The following FAM13C variants were observed in gnomAD, a reference collection of about 807,000 sequenced individuals.
FAM13C encodes family with sequence similarity 13 member C, also known as protein FAM13C.
Under a neutral mutation model 73.2 loss-of-function variants are expected in FAM13C, and 37 were observed. That is an observed-to-expected ratio of 0.51 (90% confidence interval 0.39 to 0.67). FAM13C has a LOEUF of 0.67. Ranked by LOEUF, FAM13C falls within the 30% of genes least tolerant of loss-of-function variation. FAM13C has a pLI of 0.00. For synonymous variants in FAM13C, 246 were observed against 260.9 expected (o/e 0.94, Z 0.55); for missense variants, 589 against 715.6 (o/e 0.82, Z 2.02).
chr10:59,349,097 T>A (rs1012845013), intron 3 of FAM13C, among the ~76,000 whole-genome samples: 3 of 152,260 alleles, frequency 2.0e-5, no homozygotes, highest in African/African-American at 4.8e-5. Context: ...TTACTGTCTT[T>A]TTTTGCATGT....
At chr10:59,269,619 A>G (rs544249923) in intron 7 of FAM13C, among the ~76,000 whole-genome samples, 2 of 152,334 alleles carry the variant, frequency 1.3e-5, no homozygotes, top group African/African-American at 4.8e-5. Context: ...GTGCATGTAC[A>G]TATACTTACT....
chr10:59,257,736 T>C (rs1434143259), intron 10 of FAM13C, among the ~76,000 whole-genome samples: 1 of 152,184 alleles, frequency 6.6e-6, no homozygotes, highest in African/African-American at 2.4e-5. Context: ...TAGAAAGCAA[T>C]TGCTAAAGAG....
chr10:59,277,769 A>G (rs769819658), intron 6 of FAM13C, among the ~76,000 whole-genome samples: 1 of 152,210 alleles, frequency 6.6e-6, no homozygotes, highest in Non-Finnish European at 1.5e-5. Flanking sequence ...AAATTCTAGA[A>G]TATTAGAACT....
At chr10:59,265,690 G>A (rs745565360) in intron 8 of FAM13C, among the ~76,000 whole-genome samples, 2 of 152,052 alleles carry the variant, frequency 1.3e-5, no homozygotes, top group Non-Finnish European at 2.9e-5. Context: ...TTTTTACTAC[G>A]GTGCATAGAA....
chr10:59,268,933 T>G (rs1412570692), intron 7 of FAM13C, among the ~76,000 whole-genome samples: 2 of 152,184 alleles, frequency 1.3e-5, no homozygotes, highest in Non-Finnish European at 2.9e-5. Context: ...CCAGGAAATG[T>G]GTTTTGTAAA....
Position 59,344,340 on chromosome 10 carries a change from G to A in FAM13C, c.324+7930C>T, listed in dbSNP as rs180705194. Among the ~76,000 whole-genome samples, 28 of 147,196 alleles carry A rather than the reference G, an allele frequency of 1.9e-4. No individual in the cohort carries two copies. In the East Asian group the frequency reaches 5.0e-3, roughly 26 times the overall value. ...GTCGCCCAGGCTGGAGTGCAGCAGC[G>A]CGATCTCGGCTCACTGCAAGTTCCG... On this transcript the variant is annotated intron_variant, in intron 3 of 13. Transcript: ENST00000618804.
intron 3 of FAM13C, among the ~76,000 whole-genome samples, chr10:59,333,120 C>T (rs994695855): frequency 1.3e-5 from 2 of 152,104 alleles, no homozygotes; most frequent in Admixed American, 6.6e-5. Flanking sequence ...GGACTACAGG[C>T]ATACGTTACC....
intron 3 of FAM13C, among the ~76,000 whole-genome samples, chr10:59,348,158 G>A (rs942489548): frequency 6.6e-6 from 1 of 152,138 alleles, no homozygotes; most frequent in Non-Finnish European, 1.5e-5. Context: ...TTCAAAGAGG[G>A]TTGTCTTTAA....
At chr10:59,262,955 A>G (rs1009306146) in intron 9 of FAM13C, among the ~76,000 whole-genome samples, 2 of 152,120 alleles carry the variant, frequency 1.3e-5, no homozygotes, top group African/African-American at 4.8e-5. Flanking sequence ...CCCACCTGCC[A>G]TGTACTGTAG....
intron 3 of FAM13C, among the ~76,000 whole-genome samples, chr10:59,340,406 G>A (rs1853340012): frequency 6.6e-6 from 1 of 152,058 alleles, no homozygotes; most frequent in Non-Finnish European, 1.5e-5. Context: ...TTGGTGGACT[G>A]TTTGCCTGGG....
chr10:59,352,528 T>C lies in FAM13C; in HGVS notation c.120-54A>G, dbSNP rs575042273. ...GTACCTTAAAAAAAGATGAATAAAC[T>C]GCTGCAGGAAAGAGGGCTGGAGATA... On this transcript the variant is annotated intron_variant, in intron 2 of 13. Transcript: ENST00000618804. 4.0e-6 allele frequency: 6 copies of C among 1,492,792 alleles called. No homozygotes were observed. The African/African-American group carries it at 7.0e-5, about 17-fold the overall frequency. 92.5% of individuals were successfully genotyped at this position (1,492,792 alleles called of 1,614,324 possible).
intron 3 of FAM13C, among the ~76,000 whole-genome samples, chr10:59,325,074 G>A (rs1204693003): frequency 6.6e-6 from 1 of 151,660 alleles, no homozygotes; most frequent in Non-Finnish European, 1.5e-5. Context: ...TAATAAATGA[G>A]ATACTAAAAC....
At chr10:59,255,465 C>G (rs924364808) in intron 10 of FAM13C, among the ~76,000 whole-genome samples, 1 of 152,006 alleles carries the variant, frequency 6.6e-6, no homozygotes, top group Non-Finnish European at 1.5e-5. Context: ...CCAAAGTGAC[C>G]GAACTCCTCT....
intron 5 of FAM13C, among the ~76,000 whole-genome samples, chr10:59,296,271 G>A (rs1846906914): frequency 6.6e-6 from 1 of 152,132 alleles, no homozygotes; most frequent in Non-Finnish European, 1.5e-5. Flanking sequence ...ACACAATCTA[G>A]TCCTTCACAT....
intron 3 of FAM13C, among the ~76,000 whole-genome samples, chr10:59,346,145 A>T (rs962003368): frequency 5.9e-5 from 9 of 152,356 alleles, no homozygotes; most frequent in Admixed American, 5.9e-4. Flanking sequence ...CATCAAGAAA[A>T]AAATGCATAT....
rs1840769588 is a variant in FAM13C, at chr10:59,247,065, GTTTA to G, written c.*545_*548del. On this transcript the variant is annotated 3_prime_UTR_variant, in exon 14 of 14. Coordinates refer to ENST00000618804, the MANE Select transcript of FAM13C (RefSeq NM_198215.4). Reference sequence around the variant, plus strand: ...AAGAAAAAAATAGCAACACAATCTAGTTTATTTTAGGGTACTGAGAGCCTAGCAG... The same window carrying G: ...AAGAAAAAAATAGCAACACAATCTAGTTTTAGGGTACTGAGAGCCTAGCAG... 6.4e-6 allele frequency: 1 copy of G among 157,334 alleles called. No homozygotes were observed. The highest frequency in any genetic ancestry group is 2.1e-4 in the South Asian group (1 of 4,858). The allele number at this position is 157,334 out of a possible 1,614,324, so 9.7% of individuals were successfully genotyped here.
chr10:59,360,378 G>A (rs771632072), intron 1 of FAM13C, among the ~76,000 whole-genome samples: 1 of 152,158 alleles, frequency 6.6e-6, no homozygotes. Context: ...TGTAGGAATG[G>A]GGTGGGGACA....
chr10:59,337,633 G>C (rs1852884778), intron 3 of FAM13C, among the ~76,000 whole-genome samples: 1 of 149,820 alleles, frequency 6.7e-6, no homozygotes, highest in Non-Finnish European at 1.5e-5. Flanking sequence ...TTCCAGACAG[G>C]ATAGGAACTT....
intron 3 of FAM13C, among the ~76,000 whole-genome samples, chr10:59,348,894 A>C (rs1392468883): frequency 6.6e-6 from 1 of 152,218 alleles, no homozygotes; most frequent in Non-Finnish European, 1.5e-5. Flanking sequence ...TCGGTCTTAC[A>C]AAGTGCTGGG....
Sources: allele counts gnomAD v4.1 joint callset (sites outside exome capture counted in the v4.1 genomes callset), GRCh38; gene constraint gnomAD v4.1.1; transcripts MANE v1.5; gene names NCBI Gene and HGNC (gene_info 2026-07-23, HGNC 2026-07-21).